Variants in ZNF804B observed in about 807,000 individuals in gnomAD.
The protein encoded by ZNF804B is zinc finger protein 804B, also known as zinc finger 804B.
Under a neutral mutation model 101.4 loss-of-function variants are expected in ZNF804B, and 80 were observed. The observed-to-expected ratio is 0.79, with a 90% CI of 0.66 to 0.95. The LOEUF (loss-of-function observed/expected upper bound fraction) is 0.95. ZNF804B is among the 40% of genes least tolerant of loss of function. The pLI, the probability that ZNF804B is intolerant of heterozygous loss-of-function variation, is 0.00. For missense variants in ZNF804B, 1,673 were observed against 1,561.9 expected, an observed-to-expected ratio of 1.07 and a Z score of -1.20; for synonymous variants, 622 against 558.8, an observed-to-expected ratio of 1.11 and a Z score of -1.59.
chr7:89,139,211 A>G (rs1371186113), intron 1 of ZNF804B, among the ~76,000 whole-genome samples: 1 of 152,144 alleles, frequency 6.6e-6, no homozygotes, highest in African/African-American at 2.4e-5. Flanking sequence ...AACAATGTAA[A>G]TATCTTTTGA....
intron 1 of ZNF804B, among the ~76,000 whole-genome samples, chr7:88,796,206 C>G (rs1586906607): frequency 6.6e-6 from 1 of 151,950 alleles, no homozygotes; most frequent in African/African-American, 2.4e-5. Context: ...AATTTTAAAA[C>G]AAGTTTAAAA....
At chr7:89,315,062 G>A (rs891518116) in intron 2 of ZNF804B, among the ~76,000 whole-genome samples, 6 of 152,158 alleles carry the variant, frequency 3.9e-5, no homozygotes, top group African/African-American at 1.4e-4. Flanking sequence ...TATGATGCTG[G>A]CATCTGCTTG....
intron 2 of ZNF804B, among the ~76,000 whole-genome samples, chr7:89,220,084 T>TATATACGCACATATATATGTGTATATAC (rs1179830128): frequency 7.1e-5 from 2 of 28,100 alleles, no homozygotes; most frequent in Admixed American, 3.1e-4. Flanking sequence ...TGTATATACA[T>TATATACGCACATATATATGTGTATATAC]ATATATACGC....
At chr7:89,256,826 A>T (rs995578812) in intron 2 of ZNF804B, among the ~76,000 whole-genome samples, 1 of 152,214 alleles carries the variant, frequency 6.6e-6, no homozygotes, top group African/African-American at 2.4e-5. Context: ...AGGATGGTGC[A>T]GCTGGCTACA....
chr7:88,897,467 C>T (rs1792307759), intron 1 of ZNF804B, among the ~76,000 whole-genome samples: 1 of 152,098 alleles, frequency 6.6e-6, no homozygotes, highest in African/African-American at 2.4e-5. Flanking sequence ...CTTGCTGACA[C>T]CTTAATTTTG....
intron 2 of ZNF804B, among the ~76,000 whole-genome samples, chr7:89,219,323 A>C (rs1788945482): frequency 1.3e-5 from 2 of 152,006 alleles, no homozygotes; most frequent in African/African-American, 4.8e-5. Flanking sequence ...TCTCAATAAA[A>C]GATTACATTT....
chr7:89,133,873 C>A (rs886210480), intron 1 of ZNF804B, among the ~76,000 whole-genome samples: 1 of 152,180 alleles, frequency 6.6e-6, no homozygotes, highest in South Asian at 2.1e-4. Flanking sequence ...CCTTGGGGAA[C>A]TCCAAGTGCT....
chr7:89,125,371 A>C (rs1790463433), intron 1 of ZNF804B, among the ~76,000 whole-genome samples: 1 of 151,918 alleles, frequency 6.6e-6, no homozygotes, highest in South Asian at 2.1e-4. Context: ...GAATATATGT[A>C]AAATGATCAA....
chr7:88,802,059 T>C (rs1158436737), intron 1 of ZNF804B, among the ~76,000 whole-genome samples: 1 of 152,040 alleles, frequency 6.6e-6, no homozygotes, highest in Non-Finnish European at 1.5e-5. Flanking sequence ...AGCGAGGGAA[T>C]TCTCAGGAAA....
At chr7:89,017,211 G>A (rs1050741720) in intron 1 of ZNF804B, among the ~76,000 whole-genome samples, 1 of 152,174 alleles carries the variant, frequency 6.6e-6, no homozygotes, top group African/African-American at 2.4e-5. Context: ...TGCTGAAGTT[G>A]CTTATCAGCG....
At chr7:89,078,339 C>G (rs181209673) in intron 1 of ZNF804B, among the ~76,000 whole-genome samples, 17 of 152,128 alleles carry the variant, frequency 1.1e-4, no homozygotes, top group African/African-American at 3.4e-4. Flanking sequence ...ATAGCATGTG[C>G]TTACTAGAAA....
intron 1 of ZNF804B, among the ~76,000 whole-genome samples, chr7:88,889,832 G>A (rs974671605): frequency 1.3e-5 from 2 of 152,072 alleles, no homozygotes; most frequent in Non-Finnish European, 2.9e-5. Context: ...TTTGAAGACA[G>A]TCATAAATTC....
At chr7:89,196,247 G>A (rs1432823899) in intron 1 of ZNF804B, among the ~76,000 whole-genome samples, 2 of 151,864 alleles carry the variant, frequency 1.3e-5, no homozygotes, top group African/African-American at 2.4e-5. Flanking sequence ...TGGAAATAAG[G>A]CCACACACTT....
At chr7:88,856,194 G>A (rs138858216) in intron 1 of ZNF804B, among the ~76,000 whole-genome samples, 2,487 of 152,184 alleles carry the variant, frequency 0.016, 51 homozygotes, top group African/African-American at 0.041. Flanking sequence ...AATTACCTTG[G>A]GCAGCATGGC....
At chr7:89,179,810 A>G (rs1788268891) in intron 1 of ZNF804B, among the ~76,000 whole-genome samples, 1 of 152,040 alleles carries the variant, frequency 6.6e-6, no homozygotes. Context: ...ATTCAAAGGG[A>G]ATTGTGTGTT....
intron 1 of ZNF804B, among the ~76,000 whole-genome samples, chr7:88,991,601 C>T (rs942453215): frequency 6.6e-6 from 1 of 152,172 alleles, no homozygotes; most frequent in Non-Finnish European, 1.5e-5. Flanking sequence ...TGAGAATGAA[C>T]AATGGCTCAA....
intron 1 of ZNF804B, among the ~76,000 whole-genome samples, chr7:89,108,087 T>C (rs986116565): frequency 2.0e-5 from 3 of 152,092 alleles, no homozygotes; most frequent in African/African-American, 4.8e-5. Context: ...TCTGAACCGA[T>C]TGGTAATAGA....
intron 2 of ZNF804B, among the ~76,000 whole-genome samples, chr7:89,270,597 G>T (rs1789877735): frequency 6.6e-6 from 1 of 152,162 alleles, no homozygotes; most frequent in Admixed American, 6.5e-5. Context: ...TTCCAATTCT[G>T]TGAAGACAGT....
chr7:88,993,711 A>G (rs745381327), intron 1 of ZNF804B, among the ~76,000 whole-genome samples: 2 of 152,050 alleles, frequency 1.3e-5, no homozygotes, highest in Admixed American at 6.6e-5. Flanking sequence ...TATGTATTGT[A>G]TAGACATAAC....
Sources: gnomAD v4.1 joint callset for allele counts (sites outside exome capture counted in the v4.1 genomes callset) on GRCh38, gnomAD v4.1.1 for gene constraint, MANE v1.5 for transcripts, NCBI Gene and HGNC (gene_info 2026-07-23, HGNC 2026-07-21) for gene names.